EPHA7: variants seen among roughly 807,000 people sequenced by gnomAD.
EPHA7 encodes EPH receptor A7, also known as ephrin type-A receptor 7.
A neutral mutation model predicts 112.6 loss-of-function variants in EPHA7; 25 were observed. The observed-to-expected ratio is 0.22, with a 90% CI of 0.16 to 0.31. The LOEUF is 0.31. Ranked by LOEUF, EPHA7 falls within the 10% of genes least tolerant of loss-of-function variation. The pLI, the probability that EPHA7 is intolerant of heterozygous loss-of-function variation, is 1.00. For missense variants in EPHA7, 962 were observed against 1,212.6 expected, an observed-to-expected ratio of 0.79 and a Z score of 3.07; for synonymous variants, 437 against 406.5, an observed-to-expected ratio of 1.07 and a Z score of -0.90.
chr6:93,332,680 T>C (rs1478506884), intron 5 of EPHA7, among the ~76,000 whole-genome samples: 1 of 151,696 alleles, frequency 6.6e-6, no homozygotes, highest in Non-Finnish European at 1.5e-5. Context: ...GAAAATGCCT[T>C]AAAATTTCAA....
chr6:93,382,063 A>C (rs1777363145), intron 3 of EPHA7, among the ~76,000 whole-genome samples: 1 of 152,340 alleles, frequency 6.6e-6, no homozygotes, highest in Non-Finnish European at 1.5e-5. Context: ...CAATCCAATA[A>C]GTTTAGAAAA....
intron 3 of EPHA7, among the ~76,000 whole-genome samples, chr6:93,387,220 C>T (rs991756415): frequency 6.6e-6 from 1 of 152,074 alleles, no homozygotes; most frequent in East Asian, 1.9e-4. Flanking sequence ...AATCATCTCT[C>T]CCAAGTTCAA....
At position 93,269,484 on chromosome 6, in the gene EPHA7, C is replaced by T. The variant is rs1771105192; in HGVS notation, c.1626G>A (p.Met542Ile). 1.9e-6 allele frequency: 3 copies of T among 1,610,166 alleles called. No homozygotes were observed. The highest frequency in any genetic ancestry group is 2.5e-6 in the Non-Finnish European group (3 of 1,177,646). ...AACCAAAGGCATAATTACCTTCAAACATTTTACCTGTAGCTTCCTCTAGTG... is the reference window on the plus strand; with the variant it reads ...AACCAAAGGCATAATTACCTTCAAATATTTTACCTGTAGCTTCCTCTAGTG... ...VATLEEATGK[M>I]FEATAVSSEQ... The change falls in exon 7 of 17, where the codon ATG becomes ATA. Residue 542 changes from methionine to isoleucine, a missense_variant. Transcript: ENST00000369303.
intron 3 of EPHA7, among the ~76,000 whole-genome samples, chr6:93,358,765 G>C (rs1341749721): frequency 6.6e-6 from 1 of 152,098 alleles, no homozygotes; most frequent in South Asian, 2.1e-4. Flanking sequence ...TTAACTGTTT[G>C]TTGGTCTGCA....
intron 3 of EPHA7, among the ~76,000 whole-genome samples, chr6:93,400,684 C>T (rs1778397030): frequency 1.3e-5 from 2 of 151,930 alleles, no homozygotes; most frequent in African/African-American, 2.4e-5. Context: ...ACTACAGACA[C>T]ACACCACTAC....
chr6:93,290,941 G>A (rs753619728), intron 5 of EPHA7, among the ~76,000 whole-genome samples: 50 of 152,166 alleles, frequency 3.3e-4, no homozygotes, highest in Non-Finnish European at 5.1e-4. Flanking sequence ...AAAAAATACA[G>A]CTGCAAACAA....
chr6:93,266,743 G>A (rs1395074048), intron 7 of EPHA7, among the ~76,000 whole-genome samples: 1 of 151,622 alleles, frequency 6.6e-6, no homozygotes, highest in African/African-American at 2.4e-5. Flanking sequence ...TCCCTGACAT[G>A]GTGATATCAC....
At chr6:93,274,271 T>A (rs1771364993) in intron 5 of EPHA7, among the ~76,000 whole-genome samples, 1 of 151,872 alleles carries the variant, frequency 6.6e-6, no homozygotes, top group Non-Finnish European at 1.5e-5. Context: ...TTGCTTGGTA[T>A]GATAAAAGAG....
At chr6:93,362,997 AT>A in intron 3 of EPHA7, among the ~76,000 whole-genome samples, 3 of 152,166 alleles carry the variant, frequency 2.0e-5, no homozygotes, top group Admixed American at 2.0e-4. Context: ...TAATGGACTG[AT>A]TTTTTGGAAC....
At chr6:93,285,523 GATAAGAA>G (rs781097616) in intron 5 of EPHA7, among the ~76,000 whole-genome samples, 3 of 152,144 alleles carry the variant, frequency 2.0e-5, no homozygotes. Context: ...AATTTGCACA[GATAAGAA>G]ATCGAAAACA....
intron 14 of EPHA7, 72 bp downstream of exon 14, chr6:93,254,575 T>C: frequency 7.8e-7 from 1 of 1,287,546 alleles, no homozygotes; most frequent in Non-Finnish European, 1.1e-6. Flanking sequence ...AATGAGCCTT[T>C]ACCTACATGT....
chr6:93,355,361 T>C (rs890306668), intron 5 of EPHA7, among the ~76,000 whole-genome samples: 5 of 152,132 alleles, frequency 3.3e-5, no homozygotes, highest in Non-Finnish European at 7.4e-5. Context: ...ATCATATACA[T>C]AGTTTTCATT....
intron 3 of EPHA7, among the ~76,000 whole-genome samples, chr6:93,381,891 C>T (rs1777353395): frequency 6.6e-6 from 1 of 152,112 alleles, no homozygotes. Flanking sequence ...TTCTGAAATT[C>T]CTCACTTTGA....
At chr6:93,398,660 ATAT>A (rs1778296986) in intron 3 of EPHA7, among the ~76,000 whole-genome samples, 1 of 152,046 alleles carries the variant, frequency 6.6e-6, no homozygotes. Flanking sequence ...AGGATGAGGC[ATAT>A]TAGAGGATGA....
intron 5 of EPHA7, among the ~76,000 whole-genome samples, chr6:93,311,721 A>G (rs1013279140): frequency 6.6e-6 from 1 of 152,176 alleles, no homozygotes; most frequent in Non-Finnish European, 1.5e-5. Flanking sequence ...TCCTTTCCAG[A>G]AAAGTTTTCA....
chr6:93,396,426 T>C (rs950605820), intron 3 of EPHA7, among the ~76,000 whole-genome samples: 1 of 151,888 alleles, frequency 6.6e-6, no homozygotes, highest in African/African-American at 2.4e-5. Flanking sequence ...GATCCTACCC[T>C]GACTAAAAGC....
In EPHA7 at chr6:93,403,117, A is replaced by C. The variant is rs527364527; in HGVS notation, c.832+7384T>G. The stretch of plus-strand genomic sequence containing the variant: ...TGTTATTTGCTATGAGGAAAATGGA[A>C]TGTAGTTAAGGACTCCCATCCTCAC... On this transcript the variant is annotated intron_variant, in intron 3 of 16. Coordinates refer to ENST00000369303, the MANE Select transcript of EPHA7 (RefSeq NM_004440.4). 7.3e-4 allele frequency among the ~76,000 whole-genome samples: 111 copies of C among 152,228 alleles called. 1 individual carries two copies. Among genetic ancestry groups the C allele is most frequent in the Non-Finnish European group, 9.4e-4 (64 of 67,990 alleles).
intron 6 of EPHA7, among the ~76,000 whole-genome samples, chr6:93,270,261 T>G (rs1470110461): frequency 3.3e-5 from 5 of 151,530 alleles, no homozygotes; most frequent in African/African-American, 1.2e-4. Context: ...ATTTATGGTT[T>G]GAAAATATTT....
intron 5 of EPHA7, among the ~76,000 whole-genome samples, chr6:93,277,515 G>A (rs1771526330): frequency 6.6e-6 from 1 of 151,920 alleles, no homozygotes; most frequent in African/African-American, 2.4e-5. Context: ...GGAACTAAGG[G>A]TAATTGAACC....
Sources: gnomAD v4.1 joint callset for allele counts (sites outside exome capture counted in the v4.1 genomes callset) on GRCh38, gnomAD v4.1.1 for gene constraint, MANE v1.5 for transcripts, NCBI Gene and HGNC (gene_info 2026-07-23, HGNC 2026-07-21) for gene names.